The following PITPNM2 variants were observed in gnomAD, a reference collection of about 807,000 sequenced individuals.
PITPNM2 encodes the protein phosphatidylinositol transfer protein membrane associated 2.
In PITPNM2, 35 loss-of-function variants were observed where a neutral mutation model predicts 132.2. That is an observed-to-expected ratio of 0.26 (90% CI 0.20 to 0.35). The LOEUF is 0.35. PITPNM2 is among the 10% of genes least tolerant of loss of function. The probability of loss-of-function intolerance (pLI) is 1.00; values close to 1 mark genes in which losing one functional copy is unlikely to be tolerated. For synonymous variants in PITPNM2, 738 were observed against 799.2 expected, an observed-to-expected ratio of 0.92 and a Z score of 1.29; for missense variants, 1,332 against 1,912.0, an observed-to-expected ratio of 0.70 and a Z score of 5.66.
chr12:123,127,149 C>T (rs935289341), intron 1 of PITPNM2, among the ~76,000 whole-genome samples: 1 of 152,218 alleles, frequency 6.6e-6, no homozygotes. Flanking sequence ...GGCTCTGTGA[C>T]AACGACTTAA....
chr12:123,078,115 C>T lies in PITPNM2; in HGVS notation c.-96+32270G>A, dbSNP rs989037530. Among the ~76,000 whole-genome samples the T allele has an allele frequency of 1.3e-5, 2 of 148,326 alleles. No homozygotes were observed. Among genetic ancestry groups the T allele is most frequent in the Non-Finnish European group, 3.0e-5 (2 of 66,988 alleles). On this transcript the variant is annotated intron_variant, in intron 2 of 25. Transcript: ENST00000320201. This position sits in a 1 kb window ranked among gnomAD's most constrained non-coding sequence, Gnocchi z 7.3. ...AGGGGTGGGGAGCGGAGAGGGAGGG[C>T]GGGAAGGAGGGAGAATTGATTTTCT...
intron 1 of PITPNM2, among the ~76,000 whole-genome samples, chr12:123,141,956 G>A (rs1268979676): frequency 6.6e-6 from 1 of 152,172 alleles, no homozygotes; most frequent in Non-Finnish European, 1.5e-5. Context: ...TATCCCCCCT[G>A]CTGGAAAGTC....
chr12:123,103,900 A>ATTTTAT (rs201981708), intron 2 of PITPNM2, among the ~76,000 whole-genome samples: 2 of 150,596 alleles, frequency 1.3e-5, no homozygotes, highest in African/African-American at 4.9e-5. Context: ...TTGTTATTTT[A>ATTTTAT]TTTATTTATT....
intron 1 of PITPNM2, among the ~76,000 whole-genome samples, chr12:123,144,930 G>A (rs1180322133): frequency 3.3e-5 from 5 of 152,162 alleles, no homozygotes; most frequent in South Asian, 4.1e-4. Context: ...TATTGTCCCC[G>A]CAGGCTCAAA....
chr12:122,988,340 T>C lies in PITPNM2; in HGVS notation c.2891A>G (p.His964Arg). Residue 964 changes from histidine (H) to arginine (R), a missense_variant, in exon 20 of 26, where the codon CAT (histidine) becomes CGT (arginine). Transcript: ENST00000320201. ...CAGCTCCAAGATGCTGGAGTTGTCA[T>C]GCCTCATGACCTGGGAAGAGGGGAC... is the stretch of plus-strand genomic sequence containing the variant. ...VSFLLRQVMR[H>R]DNSSILELDG... 6.2e-7 allele frequency: 1 copy of C among 1,613,310 alleles called. No individual in the cohort carries two copies. Among genetic ancestry groups the C allele is most frequent in the Non-Finnish European group, 8.5e-7 (1 of 1,179,938 alleles).
rs1299264787 is a variant in PITPNM2 at position 122,983,652 on chromosome 12, G to T, written c.*2375C>A. On this transcript the variant is annotated 3_prime_UTR_variant, in exon 26 of 26. Transcript: ENST00000320201. ...CAGACCAGACGGGAGGGGCTGAGAC[G>T]TGAAGGCTGTGATGGGGTGGGCAGT... 6 of 152,254 alleles carry T rather than the reference G, an allele frequency of 3.9e-5. No homozygotes were observed. Among genetic ancestry groups the T allele is most frequent in the African/African-American group, 1.4e-4 (6 of 41,432 alleles). The allele number at this position is 152,254 out of a possible 1,614,324, so 9.4% of individuals were successfully genotyped here. A position where few individuals can be genotyped will look rare whatever the true frequency, so the allele number is the denominator to read the frequency against.
In PITPNM2 at chr12:122,994,895, G is replaced by T; in HGVS notation, c.2139C>A (p.Gly713=). The change falls in exon 15 of 26, where the codon GGC becomes GGA. Residue 713 remains glycine, a synonymous_variant. Transcript: ENST00000320201. This position sits in a 1 kb window ranked among gnomAD's most constrained non-coding sequence, Gnocchi z 5.4. ...STMLDGTGAL[G]RFDFEITDLF... Reference sequence around the variant, plus strand: ...GGTCGGTGATCTCAAAGTCAAACCTGCCCAGGGCACCTGTGCCATCCAGCA... The same window carrying T: ...GGTCGGTGATCTCAAAGTCAAACCTTCCCAGGGCACCTGTGCCATCCAGCA... 6.2e-7 allele frequency: 1 copy of T among 1,612,304 alleles called. No homozygotes were observed. Among genetic ancestry groups the T allele is most frequent in the Non-Finnish European group, 8.5e-7 (1 of 1,179,940 alleles).
At chr12:123,070,375 C>T (rs2041587401) in intron 2 of PITPNM2, among the ~76,000 whole-genome samples, 1 of 152,160 alleles carries the variant, frequency 6.6e-6, no homozygotes, top group African/African-American at 2.4e-5. Context: ...GGACCGTATC[C>T]AAGGGCCCCA....
intron 17 of PITPNM2, 23 bp downstream of exon 17, chr12:122,990,522 G>A (rs2038140280): frequency 6.2e-7 from 1 of 1,611,276 alleles, no homozygotes; most frequent in African/African-American, 1.3e-5. Flanking sequence ...GAGTGAGGAG[G>A]GTGAGGGGCC....
intron 1 of PITPNM2, among the ~76,000 whole-genome samples, chr12:123,129,909 G>A (rs941231739): frequency 1.5e-4 from 21 of 143,020 alleles, no homozygotes; most frequent in Admixed American, 4.2e-4. Flanking sequence ...TTTGTTTTGC[G>A]TTTTTTTTTT....
In PITPNM2 at chr12:123,083,978, G is replaced by C. The variant is rs140962311; in HGVS notation, c.-96+26407C>G. On this transcript the variant is annotated intron_variant, in intron 2 of 25. Coordinates refer to ENST00000320201, the MANE Select transcript of PITPNM2 (RefSeq NM_020845.3). The surrounding 1 kb of genome is among the most constrained non-coding windows in gnomAD (Gnocchi z 4.5). ...CCACCTCCCCAACCTCAGCAAGCCT[G>C]CTGGGGTGACTGCACTCAGGCCAGG... The C allele has an allele frequency of 6.6e-6, 1 of 152,448 alleles. No homozygotes were observed. Among genetic ancestry groups the C allele is most frequent in the Non-Finnish European group, 1.5e-5 (1 of 68,094 alleles). The allele number at this position is 152,448 out of a possible 1,614,324, so 9.4% of individuals were successfully genotyped here.
intron 1 of PITPNM2, among the ~76,000 whole-genome samples, chr12:123,126,140 A>T (rs2043137725): frequency 6.6e-6 from 1 of 152,076 alleles, no homozygotes; most frequent in Admixed American, 6.5e-5. Context: ...AAGTGCTGGG[A>T]TTACAGGCTT....
chr12:122,995,298 G>C (rs1217196859), intron 14 of PITPNM2, 91 bp downstream of exon 14: 10 of 1,487,036 alleles, frequency 6.7e-6, no homozygotes, highest in Admixed American at 2.2e-5. Context: ...GACAGCCCGG[G>C]TCTCCTGTTG....
intron 10 of PITPNM2, among the ~76,000 whole-genome samples, chr12:122,997,842 C>T (rs894013122): frequency 5.3e-5 from 8 of 152,198 alleles, no homozygotes; most frequent in African/African-American, 1.7e-4. Flanking sequence ...GTCTGCCACC[C>T]TCACCAGGGG....
At chr12:123,113,020 TG>T (rs1188019847) in intron 1 of PITPNM2, among the ~76,000 whole-genome samples, 3 of 152,268 alleles carry the variant, frequency 2.0e-5, no homozygotes, top group African/African-American at 7.2e-5. Context: ...TTTCTCTATA[TG>T]ATTCCTATTA....
At chr12:123,133,885 T>C (rs76651165) in intron 1 of PITPNM2, among the ~76,000 whole-genome samples, 3,616 of 152,210 alleles carry the variant, frequency 0.024, 156 homozygotes, top group African/African-American at 0.083. Flanking sequence ...CAGATCCATG[T>C]TGGCCAGACT....
At chr12:123,006,008 G>A (rs180677671) in intron 6 of PITPNM2, 9 of 154,478 alleles carry the variant, frequency 5.8e-5, no homozygotes, top group African/African-American at 1.9e-4. Flanking sequence ...CTACTCTAGA[G>A]GCCGAGGTGG....
In PITPNM2 at chr12:123,106,523, A is replaced by T. The variant is rs2042715286; in HGVS notation, c.-96+3862T>A. On this transcript the variant is annotated intron_variant, in intron 2 of 25. Coordinates refer to ENST00000320201, the MANE Select transcript of PITPNM2 (RefSeq NM_020845.3). This position sits in a 1 kb window ranked among gnomAD's most constrained non-coding sequence, Gnocchi z 4.4. ...CAGAGCTCCGGGGAACAGGAAGAAG[A>T]GGAGACTGAGAAGAGCCAGCAATTT... Among the ~76,000 whole-genome samples the T allele has an allele frequency of 6.6e-6, 1 of 152,216 alleles. No homozygotes were observed.
In PITPNM2 at chr12:123,005,317, C is replaced by T; in HGVS notation, c.875G>A (p.Gly292Glu). The T allele has an allele frequency of 1.2e-6, 2 of 1,614,064 alleles. No individual in the cohort carries two copies. Among genetic ancestry groups the T allele is most frequent in the Non-Finnish European group, 1.7e-6 (2 of 1,180,006 alleles). ...GAGGCCGCGCCCCACTAGGGGCTCC[C>T]CATTGCTGCTGCTGGGCTCCGGGGG... ...GEPPEPSSSN[G>E]EPLVGRGLKK... is the part of the protein sequence containing the mutation. The change falls in exon 7 of 26, where the codon GGG becomes GAG. Residue 292 changes from glycine (G) to glutamate (E), a missense_variant. Gly to Glu is a moderately conservative substitution (Grantham distance 98, BLOSUM62 -2). Transcript: ENST00000320201. The surrounding 1 kb of genome is among the most constrained non-coding windows in gnomAD (Gnocchi z 6.2).
Sources: allele counts gnomAD v4.1 joint callset (sites outside exome capture counted in the v4.1 genomes callset), GRCh38; gene constraint gnomAD v4.1.1; non-coding constraint Gnocchi (gnomAD v3.1); transcripts MANE v1.5; gene names NCBI Gene and HGNC (gene_info 2026-07-23, HGNC 2026-07-21).